The following FAM184B variants were observed in gnomAD, a reference collection of about 807,000 sequenced individuals.
FAM184B encodes the protein protein FAM184B.
FAM184B carries 111 observed loss-of-function variants against 135.9 expected under a neutral mutation model. The observed-to-expected ratio is 0.82, with a 90% confidence interval of 0.70 to 0.96. The LOEUF (loss-of-function observed/expected upper bound fraction) is 0.96, where lower values mean the gene tolerates loss of function less well. Ranked by LOEUF, FAM184B falls within the 40% of genes least tolerant of loss-of-function variation. FAM184B has a pLI of 0.00. For synonymous variants in FAM184B, 552 were observed against 524.8 expected, an observed-to-expected ratio of 1.05 and a Z score of -0.71; for missense variants, 1,375 against 1,323.9, an observed-to-expected ratio of 1.04 and a Z score of -0.60.
intron 12 of FAM184B, among the ~76,000 whole-genome samples, 172 bp from the exon 13 acceptor site, chr4:17,642,400 A>T (rs926574113): frequency 3.3e-5 from 5 of 152,164 alleles, no homozygotes; most frequent in African/African-American, 1.2e-4. Flanking sequence ...CTCTTAAAAA[A>T]TTTCCTCCTT....
chr4:17,729,101 TC>T lies in FAM184B; in HGVS notation c.142-19458del, dbSNP rs538111419. 8.9e-3 allele frequency among the ~76,000 whole-genome samples: 1,358 copies of T among 152,310 alleles called. 19 individuals carry two copies. The highest frequency in any genetic ancestry group is 0.031 in the African/African-American group (1,300 of 41,558). On this transcript the variant is annotated intron_variant, in intron 1 of 17. Transcript: ENST00000265018. ...AAAAACGGCACACCAGGAGATTATA[TC>T]CCGCACATGGCTTGGAGGGTCCTGC... is the stretch of plus-strand genomic sequence containing the variant.
rs1033104346 is a variant in FAM184B, at chr4:17,636,313, G to A, written c.2784+215C>T. ...TAGAGACAGGGTTTCAACATGGCTAGGCTGGTCCCGAACTCCTGACCTCAA... is the reference window on the plus strand; with the variant it reads ...TAGAGACAGGGTTTCAACATGGCTAAGCTGGTCCCGAACTCCTGACCTCAA... On this transcript the variant is annotated intron_variant, in intron 15 of 17. Coordinates refer to ENST00000265018, the MANE Select transcript of FAM184B (RefSeq NM_015688.2). Among the ~76,000 whole-genome samples, 10 of 152,274 alleles carry A rather than the reference G, an allele frequency of 6.6e-5. No individual in the cohort carries two copies. The South Asian group carries it at 2.1e-3, about 32-fold the overall frequency.
intron 1 of FAM184B, among the ~76,000 whole-genome samples, chr4:17,735,195 G>A (rs975739803): frequency 1.3e-5 from 2 of 151,646 alleles, no homozygotes; most frequent in African/African-American, 2.4e-5. Flanking sequence ...GTGGGGGGAT[G>A]GGGGAGGGAT....
chr4:17,772,802 C>T (rs533188119), intron 1 of FAM184B, among the ~76,000 whole-genome samples: 20 of 152,334 alleles, frequency 1.3e-4, no homozygotes, highest in Admixed American at 1.3e-4. Context: ...CATCCGGTCA[C>T]AATGCTAGGC....
intron 1 of FAM184B, among the ~76,000 whole-genome samples, chr4:17,743,914 C>T (rs899975709): frequency 6.6e-5 from 10 of 152,164 alleles, no homozygotes; most frequent in Non-Finnish European, 1.0e-4. Context: ...CAAAGGAAAT[C>T]GTGGTGTTGG....
intron 1 of FAM184B, among the ~76,000 whole-genome samples, chr4:17,719,296 C>T (rs764594863): frequency 2.6e-5 from 4 of 152,004 alleles, no homozygotes; most frequent in African/African-American, 7.3e-5. Context: ...ACTACAGCGC[C>T]GATACTCTGG....
chr4:17,772,678 A>G (rs541173270), intron 1 of FAM184B, among the ~76,000 whole-genome samples: 3 of 152,346 alleles, frequency 2.0e-5, no homozygotes, highest in Admixed American at 1.3e-4. Context: ...ACTGAAATGC[A>G]AGACCAAGGT....
intron 7 of FAM184B, among the ~76,000 whole-genome samples, chr4:17,681,851 G>A (rs1716449182): frequency 6.6e-6 from 1 of 152,126 alleles, no homozygotes; most frequent in African/African-American, 2.4e-5. Flanking sequence ...TCATTCTTCT[G>A]GAATAGTTTC....
At chr4:17,743,714 T>A (rs746992909) in intron 1 of FAM184B, among the ~76,000 whole-genome samples, 1 of 152,180 alleles carries the variant, frequency 6.6e-6, no homozygotes, top group Non-Finnish European at 1.5e-5. Flanking sequence ...GTTTCTAGAG[T>A]CTGCGTAGGG....
chr4:17,632,399 A>G lies in FAM184B; in HGVS notation c.*133T>C, dbSNP rs1386677419. The G allele has an allele frequency of 4.2e-6, 3 of 715,374 alleles. No homozygotes were observed. The highest frequency in any genetic ancestry group is 6.7e-6 in the Non-Finnish European group (3 of 444,478). 44.3% of individuals were successfully genotyped at this position (715,374 alleles called of 1,614,324 possible). On this transcript the variant is annotated 3_prime_UTR_variant, in exon 18 of 18. Coordinates refer to ENST00000265018, the MANE Select transcript of FAM184B (RefSeq NM_015688.2). ...AGAACAGTATGAAGTGTTAACGCCA[A>G]AATTTGTTTTAGCTATCATATATAA... is the stretch of plus-strand genomic sequence containing the variant.
chr4:17,762,034 G>GTTTTGTTTTGTTTTTT (rs371981181), intron 1 of FAM184B, among the ~76,000 whole-genome samples: 1 of 150,148 alleles, frequency 6.7e-6, no homozygotes, highest in African/African-American at 2.5e-5. Context: ...GTTTTGTTTT[G>GTTTTGTTTTGTTTTTT]TTTTGTTTTG....
chr4:17,650,827 A>T (rs10805358), intron 11 of FAM184B, among the ~76,000 whole-genome samples: 3 of 151,998 alleles, frequency 2.0e-5, no homozygotes, highest in Non-Finnish European at 4.4e-5. Flanking sequence ...TCAACCAAGC[A>T]GCAAGGTAGA....
chr4:17,637,984 T>G (rs1037755675), intron 14 of FAM184B, among the ~76,000 whole-genome samples: 3 of 16,772 alleles, frequency 1.8e-4, no homozygotes, highest in African/African-American at 3.0e-4. Context: ...CTCCTCCCAC[T>G]CACCCTCCCT....
At chr4:17,768,075 A>AT (rs1718738346) in intron 1 of FAM184B, among the ~76,000 whole-genome samples, 1 of 152,258 alleles carries the variant, frequency 6.6e-6, no homozygotes, top group East Asian at 1.9e-4. Context: ...CTAAATTAGA[A>AT]TTACATATAA....
chr4:17,762,019 A>ATTTTGTTTTGTTTTGTTTTG (rs112668227), intron 1 of FAM184B, among the ~76,000 whole-genome samples: 38 of 147,284 alleles, frequency 2.6e-4, no homozygotes, highest in African/African-American at 1.0e-3. Context: ...AGGGCTCTTC[A>ATTTTGTTTTGTTTTGTTTTG]TTTTGTTTTG....
At chr4:17,659,261 A>G (rs1247796914) in intron 9 of FAM184B, among the ~76,000 whole-genome samples, 1 of 151,464 alleles carries the variant, frequency 6.6e-6, no homozygotes, top group African/African-American at 2.4e-5. Context: ...ACATGTCACC[A>G]TGCCCGGTAA....
intron 1 of FAM184B, among the ~76,000 whole-genome samples, chr4:17,734,147 G>A (rs565358631): frequency 7.4e-4 from 113 of 152,238 alleles, no homozygotes; most frequent in African/African-American, 2.6e-3. Flanking sequence ...GCTGAAACTG[G>A]ATCCCTTCCT....
intron 7 of FAM184B, among the ~76,000 whole-genome samples, chr4:17,675,202 C>T (rs1244882995): frequency 1.3e-5 from 2 of 152,140 alleles, no homozygotes; most frequent in Non-Finnish European, 2.9e-5. Flanking sequence ...AATAAGACTT[C>T]AAAGGAGAAA....
chr4:17,717,003 G>C (rs2108970189), intron 1 of FAM184B, among the ~76,000 whole-genome samples: 1 of 152,096 alleles, frequency 6.6e-6, no homozygotes, highest in African/African-American at 2.4e-5. Flanking sequence ...TAAAGATGGG[G>C]TTTCACCATG....
Sources: gnomAD v4.1 joint callset for allele counts (sites outside exome capture counted in the v4.1 genomes callset) on GRCh38, gnomAD v4.1.1 for gene constraint, MANE v1.5 for transcripts, NCBI Gene and HGNC (gene_info 2026-07-23, HGNC 2026-07-21) for gene names.